LRCH1: variants seen among roughly 807,000 people sequenced by gnomAD.
LRCH1 encodes leucine rich repeats and calponin homology domain containing 1.
A neutral mutation model predicts 94.9 loss-of-function variants in LRCH1; 23 were observed. That is an observed-to-expected ratio of 0.24 (90% confidence interval 0.17 to 0.34). LRCH1 has a LOEUF of 0.34. Ranked by LOEUF, LRCH1 falls within the 10% of genes least tolerant of loss-of-function variation. The probability of loss-of-function intolerance (pLI) is 1.00; values close to 1 mark genes in which losing one functional copy is unlikely to be tolerated. For missense variants in LRCH1, 790 were observed against 945.9 expected (o/e 0.84, Z 2.16); for synonymous variants, 364 against 354.9 (o/e 1.03, Z -0.29).
exon 19 of LRCH1, chr13:46,752,262 C>A (rs1222911371): frequency 2.0e-5 from 3 of 152,268 alleles, no homozygotes; most frequent in African/African-American, 7.2e-5. Flanking sequence ...ACTGCACTTT[C>A]ACCTCCTCGA....
chr13:46,653,183 C>A (rs935030712), intron 2 of LRCH1, among the ~76,000 whole-genome samples: 20 of 152,182 alleles, frequency 1.3e-4, no homozygotes, highest in Admixed American at 8.5e-4. Context: ...GCATCTAACT[C>A]TTCAAATATG....
chr13:46,659,045 A>T (rs562442537), intron 2 of LRCH1, among the ~76,000 whole-genome samples: 1 of 152,320 alleles, frequency 6.6e-6, no homozygotes, highest in Admixed American at 6.5e-5. Flanking sequence ...CACATTTTGC[A>T]TCTGCAGGTC....
intron 4 of LRCH1, 136 bp from the exon 5 acceptor site, chr13:46,685,769 T>C (rs1593351351): frequency 6.6e-6 from 4 of 603,494 alleles, no homozygotes; most frequent in African/African-American, 5.7e-5. Flanking sequence ...GTATTCCTAA[T>C]GTACAACTTG....
chr13:46,577,349 C>T (rs536704044), intron 1 of LRCH1, among the ~76,000 whole-genome samples: 67 of 152,282 alleles, frequency 4.4e-4, no homozygotes, highest in African/African-American at 1.3e-3. Flanking sequence ...CCACCCACCT[C>T]GGCCTCCCAA....
intron 1 of LRCH1, among the ~76,000 whole-genome samples, chr13:46,618,173 A>G (rs1394412117): frequency 6.6e-6 from 1 of 152,200 alleles, no homozygotes; most frequent in Admixed American, 6.5e-5. Context: ...TATTGCTCCT[A>G]GTCTACAAAC....
At chr13:46,579,220 C>T (rs74076205) in intron 1 of LRCH1, among the ~76,000 whole-genome samples, 2,338 of 152,236 alleles carry the variant, frequency 0.015, 62 homozygotes, top group African/African-American at 0.053. Context: ...CATCTGATTA[C>T]GGGCAGAAGG....
chr13:46,728,168 C>G (rs139554819), intron 17 of LRCH1, among the ~76,000 whole-genome samples: 1 of 152,058 alleles, frequency 6.6e-6, no homozygotes, highest in Non-Finnish European at 1.5e-5. Context: ...CTCCCCACCT[C>G]GGCCTCTCAA....
In LRCH1 at chr13:46,712,587, G is replaced by A. The variant is rs758709963; in HGVS notation, c.1644G>A (p.Lys548=). Residue 548 remains lysine, a synonymous_variant, in exon 15 of 20, where the codon AAG becomes AAA. Transcript: ENST00000389797. ...ACAGCACAGCTCCATTTGGCCTGAAGCCTCGATCAGGTAAATGAAAACCTC... is the reference window on the plus strand; with the variant it reads ...ACAGCACAGCTCCATTTGGCCTGAAACCTCGATCAGGTAAATGAAAACCTC... ...TTNSTAPFGL[K]PRSDPALILP... The A allele has an allele frequency of 6.2e-7, 1 of 1,613,782 alleles. No homozygotes were observed. Among genetic ancestry groups the A allele is most frequent in the Non-Finnish European group, 8.5e-7 (1 of 1,179,744 alleles).
chr13:46,618,577 C>T (rs2050840065), intron 1 of LRCH1, among the ~76,000 whole-genome samples: 1 of 152,184 alleles, frequency 6.6e-6, no homozygotes, highest in South Asian at 2.1e-4. Flanking sequence ...GAACCTTCTT[C>T]ATTTATAGAA....
At chr13:46,723,442 A>G in intron 17 of LRCH1, 112 bp downstream of exon 17, 1 of 766,760 alleles carries the variant, frequency 1.3e-6, no homozygotes, top group South Asian at 1.8e-5. Context: ...TAGCCAGGTC[A>G]CTTAGTGACT....
chr13:46,670,660 C>CCCG (rs1435291343), intron 3 of LRCH1, among the ~76,000 whole-genome samples: 2 of 151,780 alleles, frequency 1.3e-5, no homozygotes, highest in Admixed American at 6.6e-5. Flanking sequence ...CCCATCCCCC[C>CCCG]CCAACCCTGT....
chr13:46,563,223 C>T (rs921309216), intron 1 of LRCH1, among the ~76,000 whole-genome samples: 1 of 152,120 alleles, frequency 6.6e-6, no homozygotes, highest in African/African-American at 2.4e-5. Flanking sequence ...CATAGTTCCA[C>T]CTAGTTTGAA....
In LRCH1 at chr13:46,642,930, G is replaced by A. The variant is rs575730057; in HGVS notation, c.308-7271G>A. On this transcript the variant is annotated intron_variant, in intron 1 of 19. Transcript: ENST00000389797. ...TTTAGGATGTTAAAAAAAACTCTCC[G>A]AGTGATTGCAGTGTGCCAACAAGAT... Among the ~76,000 whole-genome samples the A allele has an allele frequency of 8.5e-5, 13 of 152,242 alleles. No individual in the cohort carries two copies. The South Asian group carries it at 2.1e-3, about 24-fold the overall frequency.
Position 46,705,140 on chromosome 13 carries a change from A to C in LRCH1, c.1473A>C (p.Leu491Phe), listed in dbSNP as rs757191316. ...TGGGATCAGCAGAAGCCTTAGAATT[A>C]CAAGATTCTGCACTGAAGTATGCTT... ...YPMGSAEALE[L>F]QDSALNGQIQ... Residue 491 changes from leucine (L) to phenylalanine (F), a missense_variant, in exon 12 of 20, where the codon TTA becomes TTC. Transcript: ENST00000389797. 6.2e-7 allele frequency: 1 copy of C among 1,608,440 alleles called. No homozygotes were observed. The highest frequency in any genetic ancestry group is 8.5e-7 in the Non-Finnish European group (1 of 1,177,118).
intron 10 of LRCH1, 114 bp downstream of exon 10, chr13:46,699,517 T>G (rs1352432725): frequency 1.1e-6 from 1 of 881,578 alleles, no homozygotes; most frequent in Non-Finnish European, 1.9e-6. Context: ...CAAGCTGATA[T>G]TCTTACAGAC....
intron 11 of LRCH1, among the ~76,000 whole-genome samples, chr13:46,702,643 T>C (rs1405016248): frequency 6.6e-6 from 1 of 152,136 alleles, no homozygotes; most frequent in Middle Eastern, 3.2e-3. Flanking sequence ...TCCTGAAGGA[T>C]AGGATAATGG....
chr13:46,570,309 A>G (rs779518805), intron 1 of LRCH1, among the ~76,000 whole-genome samples: 2 of 152,192 alleles, frequency 1.3e-5, no homozygotes, highest in Non-Finnish European at 2.9e-5. Flanking sequence ...AAGAAAGGAA[A>G]CTGACATTGA....
At chr13:46,672,405 C>A (rs1006520280) in intron 3 of LRCH1, among the ~76,000 whole-genome samples, 1 of 151,840 alleles carries the variant, frequency 6.6e-6, no homozygotes, top group Admixed American at 6.6e-5. Flanking sequence ...TCTTCTGGAA[C>A]TTTTTGGTGC....
At chr13:46,680,274 A>G (rs1300548967) in intron 3 of LRCH1, 1 of 152,074 alleles carries the variant, frequency 6.6e-6, no homozygotes, top group Non-Finnish European at 1.5e-5. Flanking sequence ...TAGAAGTTTG[A>G]TCCAACATTT....
Sources: gnomAD v4.1 joint callset for allele counts (sites outside exome capture counted in the v4.1 genomes callset) on GRCh38, gnomAD v4.1.1 for gene constraint, MANE v1.5 for transcripts, NCBI Gene and HGNC (gene_info 2026-07-23, HGNC 2026-07-21) for gene names.